The following ADARB2 variants were observed in gnomAD, a reference collection of about 807,000 sequenced individuals.
ADARB2 encodes inactive double-stranded RNA-specific editase B2.
In ADARB2, 25 loss-of-function variants were observed where a neutral mutation model predicts 62.2. The ratio of observed to expected loss-of-function variants is 0.40; its 90% CI spans 0.29 to 0.56. The LOEUF (loss-of-function observed/expected upper bound fraction) is 0.56. Among genes scored for constraint, ADARB2 ranks in the 20% least tolerant of loss-of-function variants. The probability of loss-of-function intolerance (pLI) is 0.43; values close to 1 mark genes in which losing one functional copy is unlikely to be tolerated. For missense variants in ADARB2, 1,071 were observed against 1,077.4 expected, an observed-to-expected ratio of 0.99 and a Z score of 0.08; for synonymous variants, 572 against 500.8, an observed-to-expected ratio of 1.14 and a Z score of -1.90.
rs1463790581 is a variant in ADARB2 at position 1,576,279 on chromosome 10, AG to A, written c.100+160771del. 3.0e-5 allele frequency among the ~76,000 whole-genome samples: 4 copies of A among 131,352 alleles called. No individual in the cohort carries two copies. The East Asian group carries it at 9.3e-4, about 30-fold the overall frequency. 86.2% of individuals were successfully genotyped at this position (131,352 alleles called of 152,430 possible). ...TCACTGTAGGGCTCAGGGTCAAAGG[AG>A]GGGGCTCAGGATCACTGGAGGGGCT... On this transcript the variant is annotated intron_variant, in intron 1 of 9. Transcript: ENST00000381312.
At chr10:1,690,797 T>G (rs1260049639) in intron 1 of ADARB2, among the ~76,000 whole-genome samples, 1 of 152,228 alleles carries the variant, frequency 6.6e-6, no homozygotes, top group Non-Finnish European at 1.5e-5. Flanking sequence ...CCAGCCTGCA[T>G]GCACACTGTC....
intron 3 of ADARB2, among the ~76,000 whole-genome samples, chr10:1,319,863 T>C (rs148799323): frequency 2.0e-5 from 3 of 152,236 alleles, no homozygotes; most frequent in African/African-American, 7.2e-5. Context: ...CTTATGAATA[T>C]AAATATTTCC....
At position 1,380,380 on chromosome 10, in the gene ADARB2, C is replaced by T. The variant is rs906016263; in HGVS notation, c.101-1220G>A. ...TTTGGAAGCTGTGGATATCCGCGGA[C>T]GGGATTTCCCAGGAGGTCACTGAGT... is the stretch of plus-strand genomic sequence containing the variant. On this transcript the variant is annotated intron_variant, in intron 1 of 9. Transcript: ENST00000381312. 7.9e-5 allele frequency among the ~76,000 whole-genome samples: 12 copies of T among 152,336 alleles called. No homozygotes were observed. In the East Asian group the frequency reaches 1.9e-3, roughly 24 times the overall value.
At chr10:1,347,822 G>A (rs538315357) in intron 3 of ADARB2, among the ~76,000 whole-genome samples, 7 of 152,272 alleles carry the variant, frequency 4.6e-5, no homozygotes, top group Admixed American at 3.9e-4. Flanking sequence ...GCTGAAATAG[G>A]CTCAGGGTAA....
chr10:1,329,410 A>C (rs1012783087), intron 3 of ADARB2, among the ~76,000 whole-genome samples: 1 of 152,258 alleles, frequency 6.6e-6, no homozygotes. Context: ...CAGAAGCAGG[A>C]TGCCCTGACC....
chr10:1,573,751 C>T (rs1227676940), intron 1 of ADARB2, among the ~76,000 whole-genome samples: 1 of 152,118 alleles, frequency 6.6e-6, no homozygotes, highest in Non-Finnish European at 1.5e-5. Flanking sequence ...CTACCCAGCC[C>T]CTCAAGGCAA....
chr10:1,695,983 G>A (rs978699586), intron 1 of ADARB2, among the ~76,000 whole-genome samples: 1 of 151,316 alleles, frequency 6.6e-6, no homozygotes, highest in Admixed American at 6.6e-5. Context: ...GAGAATATGT[G>A]CATGCATGTG....
intron 1 of ADARB2, among the ~76,000 whole-genome samples, chr10:1,504,935 C>T (rs1016580269): frequency 3.3e-5 from 5 of 151,956 alleles, no homozygotes; most frequent in Non-Finnish European, 2.9e-5. Context: ...TGCACACACA[C>T]GTACATATAC....
intron 3 of ADARB2, among the ~76,000 whole-genome samples, chr10:1,319,010 T>C (rs1227724506): frequency 1.3e-5 from 2 of 152,102 alleles, no homozygotes; most frequent in African/African-American, 2.4e-5. Flanking sequence ...TGGCTGGAGA[T>C]GATAAAAAAA....
At chr10:1,563,127 G>A (rs920422954) in intron 1 of ADARB2, among the ~76,000 whole-genome samples, 3 of 151,020 alleles carry the variant, frequency 2.0e-5, no homozygotes, top group Admixed American at 6.6e-5. Context: ...AGGTGCTGAC[G>A]TGAGTCCCTG....
chr10:1,537,664 G>T (rs970056800), intron 1 of ADARB2, among the ~76,000 whole-genome samples: 1 of 152,234 alleles, frequency 6.6e-6, no homozygotes, highest in Non-Finnish European at 1.5e-5. Context: ...CCTTTGCAGG[G>T]AGATGGATGA....
At chr10:1,616,737 G>C (rs112244904) in intron 1 of ADARB2, among the ~76,000 whole-genome samples, 2 of 118,368 alleles carry the variant, frequency 1.7e-5, no homozygotes, top group African/African-American at 6.1e-5. Flanking sequence ...TTGTGTGCCC[G>C]TCCAGACACA....
intron 6 of ADARB2, among the ~76,000 whole-genome samples, chr10:1,222,091 A>T (rs1009701419): frequency 4.8e-4 from 73 of 152,024 alleles, no homozygotes; most frequent in Admixed American, 4.6e-3. Context: ...GTTTCCTGAC[A>T]TTTTACTGAT....
intron 1 of ADARB2, among the ~76,000 whole-genome samples, chr10:1,606,007 C>T (rs914651661): frequency 3.9e-5 from 6 of 152,200 alleles, no homozygotes; most frequent in African/African-American, 1.4e-4. Flanking sequence ...CGATGTTTAC[C>T]AATCAATTTG....
At chr10:1,567,184 C>G (rs754506135) in intron 1 of ADARB2, among the ~76,000 whole-genome samples, 1 of 152,084 alleles carries the variant, frequency 6.6e-6, no homozygotes, top group African/African-American at 2.4e-5. Context: ...GGTCCTCCCC[C>G]CACCGAGAAG....
intron 1 of ADARB2, among the ~76,000 whole-genome samples, chr10:1,578,548 TG>T (rs1050663990): frequency 1.3e-4 from 20 of 151,912 alleles, no homozygotes; most frequent in African/African-American, 4.8e-4. Flanking sequence ...CTGGGGCCCT[TG>T]GCGTGGGTCT....
chr10:1,634,788 T>C (rs1266264574), intron 1 of ADARB2, among the ~76,000 whole-genome samples: 1 of 152,240 alleles, frequency 6.6e-6, no homozygotes, highest in Non-Finnish European at 1.5e-5. Flanking sequence ...CAACACTGGT[T>C]AACTGAAAGC....
At chr10:1,414,359 T>C (rs11250498) in intron 1 of ADARB2, among the ~76,000 whole-genome samples, 23,754 of 152,108 alleles carry the variant, frequency 0.16, 2,898 homozygotes, top group East Asian at 0.57. Context: ...AGCTCTGTGC[T>C]AAAGGGTGGA....
At chr10:1,638,490 G>T (rs1403107338) in intron 1 of ADARB2, among the ~76,000 whole-genome samples, 1 of 147,094 alleles carries the variant, frequency 6.8e-6, no homozygotes, top group Non-Finnish European at 1.5e-5. Flanking sequence ...TTGGTCTATT[G>T]TTCCACTTTC....
Sources: allele counts gnomAD v4.1 joint callset (sites outside exome capture counted in the v4.1 genomes callset), GRCh38; gene constraint gnomAD v4.1.1; transcripts MANE v1.5; gene names NCBI Gene and HGNC (gene_info 2026-07-23, HGNC 2026-07-21).